RNF145: variants seen among roughly 807,000 people sequenced by gnomAD.
The protein encoded by RNF145 is ring finger protein 145.
A neutral mutation model predicts 57.3 loss-of-function variants in RNF145; 12 were observed. The ratio of observed to expected loss-of-function variants is 0.21; its 90% CI spans 0.13 to 0.34. The LOEUF (loss-of-function observed/expected upper bound fraction) is 0.34, where lower values mean the gene tolerates loss of function less well. RNF145 is among the 10% of genes least tolerant of loss of function. The pLI is 1.00. For synonymous variants in RNF145, 262 were observed against 288.3 expected (o/e 0.91, Z 0.92); for missense variants, 429 against 799.0 (o/e 0.54, Z 5.58).
chr5:159,199,551 T>C (rs1785590948), intron 2 of RNF145, among the ~76,000 whole-genome samples: 1 of 152,200 alleles, frequency 6.6e-6, no homozygotes, highest in African/African-American at 2.4e-5. Context: ...CATCCATTTC[T>C]TCCTTTCTAA....
intron 2 of RNF145, among the ~76,000 whole-genome samples, chr5:159,200,641 T>C (rs1785629890): frequency 6.6e-6 from 1 of 152,142 alleles, no homozygotes; most frequent in Non-Finnish European, 1.5e-5. Context: ...TGACTCAAAA[T>C]ACTAAAGCTT....
At chr5:159,165,399 C>CTACATTATCATCTT (rs1165052552) in intron 8 of RNF145, among the ~76,000 whole-genome samples, 1 of 110,076 alleles carries the variant, frequency 9.1e-6, no homozygotes, top group Non-Finnish European at 1.8e-5. Context: ...AAATAATATC[C>CTACATTATCATCTT]TGGCCGGGCG....
At chr5:159,184,362 CTG>C (rs1784992116) in intron 3 of RNF145, among the ~76,000 whole-genome samples, 1 of 152,182 alleles carries the variant, frequency 6.6e-6, no homozygotes, top group Admixed American at 6.5e-5. Flanking sequence ...CTAACATTCT[CTG>C]TTGCTTTTTA....
intron 2 of RNF145, among the ~76,000 whole-genome samples, chr5:159,196,155 TG>T (rs1410866497): frequency 6.6e-6 from 1 of 152,010 alleles, no homozygotes; most frequent in African/African-American, 2.4e-5. Flanking sequence ...CCACGGCCCA[TG>T]GGCTACATGT....
chr5:159,200,167 T>TA (rs1361251382), intron 2 of RNF145, among the ~76,000 whole-genome samples: 6 of 151,986 alleles, frequency 3.9e-5, no homozygotes, highest in Admixed American at 1.3e-4. Context: ...ATCTAAATTT[T>TA]AAAAAAAATC....
upstream of RNF145, chr5:159,209,931 T>C (rs748025399): frequency 5.9e-6 from 9 of 1,533,634 alleles, no homozygotes; most frequent in Admixed American, 5.9e-5. Context: ...CGAGAATTCG[T>C]TTTAACCTCG....
intron 2 of RNF145, among the ~76,000 whole-genome samples, chr5:159,199,353 C>G (rs1275702296): frequency 1.4e-5 from 2 of 146,122 alleles, no homozygotes; most frequent in East Asian, 4.0e-4. Context: ...TCAAAAGAAT[C>G]AGAAGCAATG....
At chr5:159,207,756 T>C (rs755291647) in intron 1 of RNF145, 1 of 1,614,176 alleles carries the variant, frequency 6.2e-7, no homozygotes, top group South Asian at 1.1e-5. Flanking sequence ...TGTATGTACC[T>C]GATCTCCACA....
At chr5:159,207,609 C>T in intron 1 of RNF145, 1 of 1,595,936 alleles carries the variant, frequency 6.3e-7, no homozygotes, top group Non-Finnish European at 8.5e-7. Context: ...GTTAAGAGCA[C>T]AAAGCTAGAG....
At chr5:159,173,905 C>T in intron 6 of RNF145, 78 bp downstream of exon 6, 1 of 997,438 alleles carries the variant, frequency 1.0e-6, no homozygotes, top group South Asian at 2.4e-5. Flanking sequence ...TAAAAGTAAT[C>T]TGCAAAACTT....
intron 2 of RNF145, among the ~76,000 whole-genome samples, chr5:159,196,399 AC>A (rs2113217680): frequency 6.6e-6 from 1 of 152,284 alleles, no homozygotes; most frequent in Non-Finnish European, 1.5e-5. Context: ...CATCACTTTT[AC>A]TTGACAATTC....
chr5:159,173,292 T>G (rs975024), intron 6 of RNF145, among the ~76,000 whole-genome samples: 2 of 152,148 alleles, frequency 1.3e-5, no homozygotes, highest in Admixed American at 6.6e-5. Context: ...GTGTATTTTA[T>G]GTATAGCCCA....
intron 10 of RNF145, among the ~76,000 whole-genome samples, chr5:159,160,346 G>A (rs1018191769): frequency 2.0e-5 from 3 of 152,078 alleles, no homozygotes; most frequent in African/African-American, 4.8e-5. Flanking sequence ...ATAAAAAATT[G>A]ATAGCTGTAT....
At position 159,162,064 on chromosome 5, in the gene RNF145, C is replaced by T. The variant is rs192899563; in HGVS notation, c.1270-442G>A. On this transcript the variant is annotated intron_variant, in intron 9 of 10. Coordinates refer to ENST00000424310, the MANE Select transcript of RNF145 (RefSeq NM_001199383.2). ...TAACTCTTCACTGTGTTATGTTTTC[C>T]TTTACCTAGGTAGCAAAGATCTTCC... Among the ~76,000 whole-genome samples, 444 of 152,242 alleles carry T rather than the reference C, an allele frequency of 2.9e-3. 3 individuals are homozygous for T. Among genetic ancestry groups the T allele is most frequent in the African/African-American group, 0.01 (417 of 41,534 alleles).
chr5:159,194,888 A>C (rs1584703045), intron 2 of RNF145, 64 bp from the exon 3 acceptor site: 1 of 1,152,344 alleles, frequency 8.7e-7, no homozygotes. Context: ...ACAATAAAAG[A>C]AAGAGCTTGA....
At chr5:159,203,332 TC>T in intron 2 of RNF145, 101 bp downstream of exon 2, 1 of 772,674 alleles carries the variant, frequency 1.3e-6, no homozygotes, top group Non-Finnish European at 2.2e-6. Context: ...ATCACTATCA[TC>T]TTAATGAAAA....
intron 2 of RNF145, among the ~76,000 whole-genome samples, chr5:159,200,832 G>C (rs1002192200): frequency 2.0e-5 from 3 of 152,176 alleles, no homozygotes; most frequent in African/African-American, 7.2e-5. Flanking sequence ...TCTCAGAAGA[G>C]AAAATACAGG....
intron 8 of RNF145, among the ~76,000 whole-genome samples, chr5:159,168,132 T>C (rs958470572): frequency 2.0e-5 from 3 of 152,296 alleles, no homozygotes; most frequent in Admixed American, 6.5e-5. Context: ...TAAATAATAG[T>C]TTGGCTTTTA....
intron 3 of RNF145, among the ~76,000 whole-genome samples, chr5:159,188,098 C>G (rs868109619): frequency 6.6e-6 from 1 of 152,026 alleles, no homozygotes; most frequent in Non-Finnish European, 1.5e-5. Flanking sequence ...TTTAAGAACA[C>G]TGGGCCAGGC....
Sources: allele counts gnomAD v4.1 joint callset (sites outside exome capture counted in the v4.1 genomes callset), GRCh38; gene constraint gnomAD v4.1.1; transcripts MANE v1.5; gene names NCBI Gene and HGNC (gene_info 2026-07-23, HGNC 2026-07-21).